Variants in BCAS1 observed in about 807,000 individuals in gnomAD.
BCAS1 encodes brain enriched myelin associated protein 1, also known as breast carcinoma-amplified sequence 1.
BCAS1 carries 46 observed loss-of-function variants against 65.4 expected under a neutral mutation model. The observed-to-expected ratio is 0.70, with a 90% CI of 0.55 to 0.90. The LOEUF (loss-of-function observed/expected upper bound fraction) is 0.90, where lower values mean the gene tolerates loss of function less well. Ranked by LOEUF, BCAS1 falls within the 40% of genes least tolerant of loss-of-function variation. The pLI is 0.00. For synonymous variants in BCAS1, 298 were observed against 293.5 expected (o/e 1.02, Z -0.16); for missense variants, 793 against 771.2 (o/e 1.03, Z -0.33).
At chr20:53,999,083 C>T (rs759309424) in intron 4 of BCAS1, among the ~76,000 whole-genome samples, 4 of 152,156 alleles carry the variant, frequency 2.6e-5, no homozygotes, top group Non-Finnish European at 5.9e-5. Context: ...CTTTGCTAAA[C>T]TTATATAGTG....
intron 4 of BCAS1, among the ~76,000 whole-genome samples, chr20:54,019,492 C>T (rs1027363863): frequency 3.3e-5 from 5 of 152,172 alleles, no homozygotes; most frequent in South Asian, 2.1e-4. Flanking sequence ...AGTACTATCA[C>T]GCTGGTTAAC....
At chr20:54,033,398 T>C (rs1457509018) in intron 3 of BCAS1, among the ~76,000 whole-genome samples, 1 of 149,222 alleles carries the variant, frequency 6.7e-6, no homozygotes, top group African/African-American at 2.4e-5. Context: ...AAATAGACCA[T>C]TAGCTAGAGT....
intron 3 of BCAS1, among the ~76,000 whole-genome samples, chr20:54,040,460 T>C (rs1031886789): frequency 3.3e-5 from 5 of 151,130 alleles, no homozygotes; most frequent in African/African-American, 1.2e-4. Flanking sequence ...GGGTGACTAT[T>C]ATTACTTTGA....
At chr20:54,044,867 A>G (rs890325804) in intron 3 of BCAS1, among the ~76,000 whole-genome samples, 2 of 151,936 alleles carry the variant, frequency 1.3e-5, no homozygotes, top group African/African-American at 4.8e-5. Flanking sequence ...GAAATTTTCT[A>G]AGTGTATTCC....
intron 4 of BCAS1, among the ~76,000 whole-genome samples, chr20:54,016,564 C>T (rs1468259530): frequency 4.6e-5 from 7 of 152,194 alleles, no homozygotes; most frequent in Admixed American, 1.3e-4. Context: ...CAGATTTGCT[C>T]ATTCAGAAAG....
chr20:53,988,186 G>C (rs1568847688), intron 7 of BCAS1, among the ~76,000 whole-genome samples: 2 of 152,078 alleles, frequency 1.3e-5, no homozygotes, highest in Non-Finnish European at 2.9e-5. Context: ...CTGGCTCAAG[G>C]GTTCCCTTTG....
intron 4 of BCAS1, among the ~76,000 whole-genome samples, chr20:54,003,333 G>A (rs777304963): frequency 6.6e-6 from 1 of 151,846 alleles, no homozygotes; most frequent in Non-Finnish European, 1.5e-5. Flanking sequence ...AGGATATGGA[G>A]TAAATTCTTT....
intron 12 of BCAS1, among the ~76,000 whole-genome samples, chr20:53,947,794 C>T (rs1350347488): frequency 6.6e-6 from 1 of 152,200 alleles, no homozygotes; most frequent in Non-Finnish European, 1.5e-5. Flanking sequence ...GCACAAACTC[C>T]CCATGGCACA....
At chr20:54,003,636 T>C (rs902367084) in intron 4 of BCAS1, among the ~76,000 whole-genome samples, 1 of 64,808 alleles carries the variant, frequency 1.5e-5, no homozygotes, top group African/African-American at 3.4e-5. Flanking sequence ...TTGGTGAGTA[T>C]TTTAAAAGTA....
At chr20:53,992,779 A>T (rs2090796649) in intron 6 of BCAS1, 133 bp from the exon 7 acceptor site, 2 of 755,986 alleles carry the variant, frequency 2.6e-6, no homozygotes, top group East Asian at 6.6e-5. Flanking sequence ...TTCTAACCAC[A>T]AAACACCCTG....
rs118153167 is a variant in BCAS1, at chr20:53,970,083, G to C, written c.1318-3010C>G. 9.2e-4 allele frequency among the ~76,000 whole-genome samples: 138 copies of C among 150,630 alleles called. 3 individuals carry two copies. The highest frequency in any genetic ancestry group is 6.8e-3 in the Middle Eastern group (2 of 294). On this transcript the variant is annotated intron_variant, in intron 9 of 12. Coordinates refer to ENST00000688948, the MANE Select transcript of BCAS1 (RefSeq NM_001366298.2). ...AGAAGTATTCTGTCTTTGAGGCAGT[G>C]AGTTCTTTCTTCGTGTGCAAAGACC... is the stretch of plus-strand genomic sequence containing the variant.
At chr20:54,012,467 T>TAAA (rs11343372) in intron 4 of BCAS1, among the ~76,000 whole-genome samples, 1,257 of 108,134 alleles carry the variant, frequency 0.012, 15 homozygotes, top group African/African-American at 0.039. Context: ...AGTTAAAAAG[T>TAAA]AAAAAAAAAA....
intron 12 of BCAS1, among the ~76,000 whole-genome samples, chr20:53,945,946 ATTT>A (rs1233967176): frequency 2.6e-5 from 4 of 151,680 alleles, no homozygotes; most frequent in Non-Finnish European, 5.9e-5. Flanking sequence ...TAATTTTAAA[ATTT>A]TTTTTGTAGA....
At chr20:54,035,449 T>A (rs532752569) in intron 3 of BCAS1, among the ~76,000 whole-genome samples, 17 of 138,314 alleles carry the variant, frequency 1.2e-4, no homozygotes, top group Admixed American at 7.8e-4. Context: ...AACAAGCATA[T>A]GAAAAAAAGC....
At chr20:54,049,877 G>C (rs979276846) in intron 3 of BCAS1, among the ~76,000 whole-genome samples, 5 of 152,208 alleles carry the variant, frequency 3.3e-5, no homozygotes, top group African/African-American at 9.6e-5. Flanking sequence ...GAGTGGCAGA[G>C]CCAAAACCTA....
chr20:53,970,845 G>A (rs777867694), intron 9 of BCAS1, among the ~76,000 whole-genome samples: 1 of 151,982 alleles, frequency 6.6e-6, no homozygotes, highest in Non-Finnish European at 1.5e-5. Flanking sequence ...AACATTAAAG[G>A]TTTTTATTTT....
chr20:54,041,621 C>T (rs1270963333), intron 3 of BCAS1, among the ~76,000 whole-genome samples: 1 of 152,034 alleles, frequency 6.6e-6, no homozygotes, highest in East Asian at 1.9e-4. Flanking sequence ...GGTGGCTTAA[C>T]GCCTGTAATC....
intron 1 of BCAS1, among the ~76,000 whole-genome samples, chr20:54,067,616 G>T (rs966507218): frequency 6.6e-6 from 1 of 152,162 alleles, no homozygotes; most frequent in Non-Finnish European, 1.5e-5. Flanking sequence ...AGTGATTGAT[G>T]GTCCATGTCG....
chr20:54,022,741 T>C (rs1426387362), intron 4 of BCAS1, among the ~76,000 whole-genome samples: 1 of 152,210 alleles, frequency 6.6e-6, no homozygotes, highest in Non-Finnish European at 1.5e-5. Context: ...GCAAAATGCT[T>C]ACTGCACAGC....
Sources: allele counts gnomAD v4.1 joint callset (sites outside exome capture counted in the v4.1 genomes callset), GRCh38; gene constraint gnomAD v4.1.1; transcripts MANE v1.5; gene names NCBI Gene and HGNC (gene_info 2026-07-23, HGNC 2026-07-21).